The following MACROD2 variants were observed in gnomAD, a reference collection of about 807,000 sequenced individuals.
MACROD2 encodes mono-ADP ribosylhydrolase 2.
MACROD2 carries 36 observed loss-of-function variants against 70.4 expected under a neutral mutation model. The ratio of observed to expected loss-of-function variants is 0.51; its 90% CI spans 0.39 to 0.68. The LOEUF (loss-of-function observed/expected upper bound fraction) is 0.68, where lower values mean the gene tolerates loss of function less well. Among genes scored for constraint, MACROD2 ranks in the 30% least tolerant of loss-of-function variants. The probability of loss-of-function intolerance (pLI) is 0.00; values close to 1 mark genes in which losing one functional copy is unlikely to be tolerated. For missense variants in MACROD2, 496 were observed against 538.4 expected, an observed-to-expected ratio of 0.92 and a Z score of 0.78; for synonymous variants, 172 against 178.8, an observed-to-expected ratio of 0.96 and a Z score of 0.30.
At chr20:14,981,859 G>T (rs1054521179) in intron 5 of MACROD2, among the ~76,000 whole-genome samples, 23 of 150,612 alleles carry the variant, frequency 1.5e-4, no homozygotes, top group Non-Finnish European at 3.0e-4. Context: ...GTAGAGTAGG[G>T]TGTTGCTGAA....
intron 5 of MACROD2, among the ~76,000 whole-genome samples, chr20:15,036,576 T>A (rs541251654): frequency 6.6e-6 from 1 of 152,286 alleles, no homozygotes; most frequent in South Asian, 2.1e-4. Flanking sequence ...CACGCACTCA[T>A]CTTGCTCATG....
At chr20:14,081,940 C>CCTCATAATG (rs1267307307) in intron 2 of MACROD2, among the ~76,000 whole-genome samples, 1 of 151,922 alleles carries the variant, frequency 6.6e-6, no homozygotes, top group Non-Finnish European at 1.5e-5. Context: ...GAAAATATTC[C>CCTCATAATG]CTCATAATGC....
chr20:14,382,796 G>A (rs893555778), intron 3 of MACROD2, among the ~76,000 whole-genome samples: 1 of 152,096 alleles, frequency 6.6e-6, no homozygotes, highest in Admixed American at 6.5e-5. Flanking sequence ...CCTGACTTCA[G>A]TTATTCTTGA....
At chr20:14,954,719 A>AATATATAAAT (rs1274520744) in intron 5 of MACROD2, among the ~76,000 whole-genome samples, 1 of 32,620 alleles carries the variant, frequency 3.1e-5, no homozygotes, top group Non-Finnish European at 8.0e-5. Flanking sequence ...TAAATATATA[A>AATATATAAAT]ATGTATAAAT....
chr20:14,412,924 C>G (rs187000864), intron 3 of MACROD2, among the ~76,000 whole-genome samples: 23 of 152,182 alleles, frequency 1.5e-4, no homozygotes, highest in Middle Eastern at 3.4e-3. Context: ...CATAGCACAC[C>G]CCTTTTGGCA....
At chr20:15,406,043 C>T (rs1051170467) in intron 6 of MACROD2, among the ~76,000 whole-genome samples, 26 of 152,290 alleles carry the variant, frequency 1.7e-4, no homozygotes, top group African/African-American at 4.8e-4. Flanking sequence ...CAAAGACATA[C>T]GCCGTTAGGG....
intron 5 of MACROD2, among the ~76,000 whole-genome samples, chr20:14,815,897 G>C (rs1448877061): frequency 2.6e-5 from 4 of 151,884 alleles, no homozygotes; most frequent in Non-Finnish European, 2.9e-5. Context: ...TATAAAGTTG[G>C]TCATTGTTTC....
At chr20:15,512,646 T>A (rs1374354848) in intron 8 of MACROD2, among the ~76,000 whole-genome samples, 1 of 152,172 alleles carries the variant, frequency 6.6e-6, no homozygotes, top group Non-Finnish European at 1.5e-5. Context: ...AGAGATGATT[T>A]TCCGGTTGGT....
In MACROD2 at chr20:15,340,128, TTC is replaced by T. The variant is rs1352035055; in HGVS notation, c.541-91275_541-91274del. Among the ~76,000 whole-genome samples, 161 of 84,306 alleles carry T rather than the reference TTC, an allele frequency of 1.9e-3. 3 individuals carry two copies. Among genetic ancestry groups the T allele is most frequent in the East Asian group, 2.9e-3 (7 of 2,384 alleles). The allele number at this position is 84,306 out of a possible 152,430, so 55.3% of individuals were successfully genotyped here. On this transcript the variant is annotated intron_variant, in intron 6 of 17. Transcript: ENST00000684519. Reference sequence around the variant, plus strand: ...TTTTCTTTTTTCTTTCTTTCTTTCTTTCTTTTTTTTTTTTTTTTTTTTTTTTT... The same window carrying T: ...TTTTCTTTTTTCTTTCTTTCTTTCTTTTTTTTTTTTTTTTTTTTTTTTTTT...
chr20:14,994,516 G>A (rs1446038512), intron 5 of MACROD2, among the ~76,000 whole-genome samples: 1 of 152,134 alleles, frequency 6.6e-6, no homozygotes. Context: ...AAGCAGAGCA[G>A]AGCTGACTGG....
At chr20:14,862,590 TATATATATAAATATAA>T (rs1307628838) in intron 5 of MACROD2, among the ~76,000 whole-genome samples, 5 of 48,000 alleles carry the variant, frequency 1.0e-4, no homozygotes, top group African/African-American at 2.3e-4. Context: ...TATGTATAAA[TATATATATAAATATAA>T]ATATATATAA....
Position 14,094,361 on chromosome 20 carries a change from C to G in MACROD2, c.271+8633C>G, listed in dbSNP as rs551318910. On this transcript the variant is annotated intron_variant, in intron 3 of 17. Transcript: ENST00000684519. ...CAAATAGAATCAAAGTGTATTTGTTCTTTCAACAACTTTCTTGAATTCTCA... is the reference window on the plus strand; with the variant it reads ...CAAATAGAATCAAAGTGTATTTGTTGTTTCAACAACTTTCTTGAATTCTCA... 1.1e-3 allele frequency among the ~76,000 whole-genome samples: 166 copies of G among 152,244 alleles called. 2 individuals carry two copies. Among genetic ancestry groups the G allele is most frequent in the South Asian group, 0.01 (50 of 4,822 alleles).
At chr20:14,813,669 A>G (rs1352874443) in intron 5 of MACROD2, among the ~76,000 whole-genome samples, 3 of 151,962 alleles carry the variant, frequency 2.0e-5, no homozygotes, top group African/African-American at 4.8e-5. Context: ...AGGGGTGTGG[A>G]GTTTCCATGC....
intron 5 of MACROD2, among the ~76,000 whole-genome samples, chr20:14,767,637 T>C (rs2072108262): frequency 6.6e-6 from 1 of 151,974 alleles, no homozygotes; most frequent in East Asian, 1.9e-4. Flanking sequence ...TTACTTTCTT[T>C]CTTTTTTTTA....
At chr20:15,644,332 C>A (rs578246253) in intron 8 of MACROD2, among the ~76,000 whole-genome samples, 2 of 152,272 alleles carry the variant, frequency 1.3e-5, no homozygotes, top group East Asian at 1.9e-4. Context: ...CTGCAGGGAT[C>A]TTTGGTAGAC....
chr20:14,611,035 T>C (rs1423469179), intron 4 of MACROD2, among the ~76,000 whole-genome samples: 3 of 152,136 alleles, frequency 2.0e-5, no homozygotes, highest in African/African-American at 4.8e-5. Flanking sequence ...CAAATACTTG[T>C]TTTCAGTACT....
At chr20:15,826,924 A>C (rs1213492499) in intron 8 of MACROD2, among the ~76,000 whole-genome samples, 1 of 152,210 alleles carries the variant, frequency 6.6e-6, no homozygotes, top group Non-Finnish European at 1.5e-5. Context: ...TTCCAGTACT[A>C]GTGAACAGTT....
chr20:15,181,030 C>T (rs972438404), intron 5 of MACROD2, among the ~76,000 whole-genome samples: 2 of 152,068 alleles, frequency 1.3e-5, no homozygotes, highest in Admixed American at 6.6e-5. Context: ...TGCATTTGGG[C>T]TGTTTTTCAT....
rs372637696 is a variant in MACROD2, at chr20:15,019,283, C to T, written c.419-210657C>T. On this transcript the variant is annotated intron_variant, in intron 5 of 17. Transcript: ENST00000684519. ...GTTATGAGCTTCTATTGTGTAAGAA[C>T]GTTATATCATGTAGTCATTGAAATA... Among the ~76,000 whole-genome samples, 8 of 152,258 alleles carry T rather than the reference C, an allele frequency of 5.3e-5. No individual in the cohort carries two copies. The East Asian group carries it at 1.4e-3, about 26-fold the overall frequency.
Sources: gnomAD v4.1 joint callset for allele counts (sites outside exome capture counted in the v4.1 genomes callset) on GRCh38, gnomAD v4.1.1 for gene constraint, MANE v1.5 for transcripts, NCBI Gene and HGNC (gene_info 2026-07-23, HGNC 2026-07-21) for gene names.